GPHN: variants seen among roughly 807,000 people sequenced by gnomAD.
GPHN encodes the protein gephyrin.
A neutral mutation model predicts 95.5 loss-of-function variants in GPHN; 17 were observed. That is an observed-to-expected ratio of 0.18 (90% confidence interval 0.12 to 0.27). GPHN has a LOEUF of 0.27. GPHN is among the 10% of genes least tolerant of loss of function. GPHN has a pLI of 1.00. For missense variants in GPHN, 660 were observed against 978.1 expected, an observed-to-expected ratio of 0.67 and a Z score of 4.34; for synonymous variants, 320 against 322.5, an observed-to-expected ratio of 0.99 and a Z score of 0.08.
At chr14:67,023,211 A>C (rs2153626502) in intron 9 of GPHN, among the ~76,000 whole-genome samples, 1 of 152,196 alleles carries the variant, frequency 6.6e-6, no homozygotes, top group African/African-American at 2.4e-5. Flanking sequence ...ATACATACTA[A>C]AAAATTACTA....
the GPHN span, among the ~76,000 whole-genome samples, chr14:67,540,791 G>A: frequency 6.6e-6 from 1 of 152,128 alleles, no homozygotes; most frequent in Non-Finnish European, 1.5e-5. Flanking sequence ...AAATCCTGAT[G>A]ATGGATGTGT....
intron 1 of GPHN, among the ~76,000 whole-genome samples, chr14:66,547,260 A>G (rs1015993703): frequency 1.3e-5 from 2 of 152,216 alleles, no homozygotes; most frequent in South Asian, 2.1e-4. Flanking sequence ...ATTTTTCACC[A>G]TATGTTATTT....
chr14:67,533,281 G>A, the GPHN span: 4 of 151,974 alleles, frequency 2.6e-5, no homozygotes, highest in Non-Finnish European at 5.9e-5. Context: ...TGCCGGGGAG[G>A]GGAGAACCGG....
At chr14:66,555,589 T>TA (rs1341017475) in intron 1 of GPHN, among the ~76,000 whole-genome samples, 1 of 152,134 alleles carries the variant, frequency 6.6e-6, no homozygotes, top group African/African-American at 2.4e-5. Context: ...TACTACCAAA[T>TA]ACATTATCAT....
the GPHN span, among the ~76,000 whole-genome samples, chr14:67,540,990 A>T: frequency 1.3e-4 from 20 of 152,064 alleles, no homozygotes; most frequent in African/African-American, 4.3e-4. Context: ...ATTTGTACAA[A>T]TTTTTTTCCC....
the GPHN span, chr14:67,571,004 G>GAC: frequency 6.6e-6 from 1 of 152,136 alleles, no homozygotes; most frequent in Admixed American, 6.6e-5. Flanking sequence ...TTACAGGCAT[G>GAC]AGCCACCATG....
intron 3 of GPHN, among the ~76,000 whole-genome samples, chr14:66,819,416 G>A (rs1027005509): frequency 6.6e-6 from 1 of 151,888 alleles, no homozygotes; most frequent in African/African-American, 2.4e-5. Flanking sequence ...TGGGTTCTCT[G>A]TTCTGTCCCC....
At chr14:66,751,195 T>C (rs1048181112) in intron 2 of GPHN, among the ~76,000 whole-genome samples, 18 of 152,048 alleles carry the variant, frequency 1.2e-4, no homozygotes, top group African/African-American at 4.3e-4. Context: ...TTTATATTAC[T>C]TTGGATATAT....
chr14:66,689,320 C>T (rs373625985), intron 2 of GPHN, among the ~76,000 whole-genome samples: 185 of 152,194 alleles, frequency 1.2e-3, no homozygotes, highest in African/African-American at 4.1e-3. Context: ...TCCTTCATTC[C>T]ATTGATGTGA....
chr14:67,124,206 G>GGTC (rs1209863554), intron 17 of GPHN, among the ~76,000 whole-genome samples: 187 of 152,252 alleles, frequency 1.2e-3, no homozygotes, highest in Non-Finnish European at 2.2e-3. Context: ...AGGAGTTTGA[G>GGTC]ACCAGCCTGG....
chr14:67,333,813 AC>A, the GPHN span: 1 of 143,428 alleles, frequency 7.0e-6, no homozygotes, highest in Admixed American at 7.1e-5. Context: ...ATCTGTATTG[AC>A]TTAAAAAGTT....
chr14:67,656,159 T>A, the GPHN span, among the ~76,000 whole-genome samples: 2 of 151,100 alleles, frequency 1.3e-5, no homozygotes, highest in South Asian at 4.2e-4. Flanking sequence ...GGCAAGAGAA[T>A]CGCTTGAACC....
intron 4 of GPHN, among the ~76,000 whole-genome samples, chr14:66,832,320 A>G (rs2061610664): frequency 6.6e-6 from 1 of 152,200 alleles, no homozygotes; most frequent in African/African-American, 2.4e-5. Context: ...TAATCTTTGT[A>G]GATGCTCAGT....
At chr14:67,308,546 C>CA in the GPHN span, among the ~76,000 whole-genome samples, 6 of 131,836 alleles carry the variant, frequency 4.6e-5, no homozygotes, top group South Asian at 2.4e-4. Flanking sequence ...TTTTCTTTTT[C>CA]TTTTTTTTTT....
the GPHN span, chr14:67,678,104 C>T: frequency 2.0e-6 from 1 of 487,924 alleles, no homozygotes; most frequent in East Asian, 3.7e-5. Flanking sequence ...TCTCTAGTAA[C>T]TCTGGCAGTA....
chr14:67,494,573 C>A, the GPHN span, among the ~76,000 whole-genome samples: 4 of 152,186 alleles, frequency 2.6e-5, no homozygotes, highest in Non-Finnish European at 4.4e-5. Context: ...GCCCCGCCCC[C>A]ACACACCATG....
intron 4 of GPHN, among the ~76,000 whole-genome samples, chr14:66,841,753 A>G (rs1469027654): frequency 3.3e-5 from 5 of 152,132 alleles, no homozygotes; most frequent in Non-Finnish European, 2.9e-5. Flanking sequence ...GATATTAAGT[A>G]TATGAGGCCG....
intron 2 of GPHN, among the ~76,000 whole-genome samples, chr14:66,708,707 T>A (rs2069331496): frequency 6.6e-6 from 1 of 152,124 alleles, no homozygotes. Flanking sequence ...GTTTTAGAAG[T>A]ATGCCAAAGT....
chr14:66,910,783 C>G (rs918987974), intron 5 of GPHN, among the ~76,000 whole-genome samples: 3 of 151,954 alleles, frequency 2.0e-5, no homozygotes, highest in Non-Finnish European at 4.4e-5. Flanking sequence ...CTGATATTTT[C>G]TGTTCTGTTC....
Sources: gnomAD v4.1 joint callset for allele counts (sites outside exome capture counted in the v4.1 genomes callset) on GRCh38, gnomAD v4.1.1 for gene constraint, MANE v1.5 for transcripts, NCBI Gene and HGNC (gene_info 2026-07-23, HGNC 2026-07-21) for gene names.